PCSK2: variants seen among roughly 807,000 people sequenced by gnomAD.
PCSK2 encodes proprotein convertase subtilisin/kexin type 2, also known as neuroendocrine convertase 2.
In PCSK2, 14 loss-of-function variants were observed where a neutral mutation model predicts 69.7. That is an observed-to-expected ratio of 0.20 (90% CI 0.13 to 0.31). PCSK2 has a LOEUF of 0.31. PCSK2 is among the 10% of genes least tolerant of loss of function. The pLI is 1.00. For synonymous variants in PCSK2, 307 were observed against 320.7 expected (o/e 0.96, Z 0.46); for missense variants, 544 against 842.5 (o/e 0.65, Z 4.39).
chr20:17,296,388 T>G (rs566766690), intron 2 of PCSK2, among the ~76,000 whole-genome samples: 35 of 152,360 alleles, frequency 2.3e-4, no homozygotes, highest in African/African-American at 7.5e-4. Context: ...TTACCAACTT[T>G]TAAAGATAAA....
At chr20:17,409,363 C>CT in intron 6 of PCSK2, 24 bp downstream of exon 6, 1 of 1,540,800 alleles carries the variant, frequency 6.5e-7, no homozygotes, top group Non-Finnish European at 9.0e-7. Flanking sequence ...TGGGAGGTCT[C>CT]TTTGACTTTA....
rs562649213 is a variant in PCSK2, at chr20:17,239,875, G to A, written c.177+12393G>A. The stretch of plus-strand genomic sequence containing the variant: ...TTTTTTTTTTTTTTTTTTTTTGTGA[G>A]ATGAAGTCTCACTCTGTTGCCAGGC... On this transcript the variant is annotated intron_variant, in intron 1 of 11. Transcript: ENST00000262545. Among the ~76,000 whole-genome samples the A allele has an allele frequency of 2.2e-3, 163 of 75,404 alleles. 2 individuals are homozygous for A. Among genetic ancestry groups the A allele is most frequent in the African/African-American group, 8.9e-3 (152 of 17,106 alleles). The allele number at this position is 75,404 out of a possible 152,430, so 49.5% of individuals were successfully genotyped here.
Position 17,456,431 on chromosome 20 carries a change from A to C in PCSK2, c.1185A>C (p.Ala395=). ...CCCCCGAGGCAGCTGGTGTGTTTGC[A>C]CTGGCTCTGGAGGCTAAGTATGTTC... is the stretch of plus-strand genomic sequence containing the variant. The part of the protein sequence containing the change: ...AAAPEAAGVF[A]LALEANLGLT... The change falls in exon 10 of 12, where the codon GCA becomes GCC. Residue 395 remains alanine (A), a synonymous_variant. Transcript: ENST00000262545. 1 of 1,602,570 alleles carries C rather than the reference A, an allele frequency of 6.2e-7. No individual in the cohort carries two copies. Among genetic ancestry groups the C allele is most frequent in the Middle Eastern group, 1.7e-4 (1 of 6,042 alleles).
At chr20:17,321,188 A>G (rs1409478562) in intron 2 of PCSK2, among the ~76,000 whole-genome samples, 1 of 152,196 alleles carries the variant, frequency 6.6e-6, no homozygotes, top group Non-Finnish European at 1.5e-5. Context: ...TATTAGTTAG[A>G]TCTGGATTTC....
At chr20:17,326,292 G>T (rs926737474) in intron 2 of PCSK2, among the ~76,000 whole-genome samples, 1 of 152,184 alleles carries the variant, frequency 6.6e-6, no homozygotes, top group Non-Finnish European at 1.5e-5. Flanking sequence ...CCTTTGAAAA[G>T]CTGTCAGAGA....
chr20:17,233,172 T>C (rs552576212), intron 1 of PCSK2, among the ~76,000 whole-genome samples: 1 of 152,292 alleles, frequency 6.6e-6, no homozygotes, highest in African/African-American at 2.4e-5. Flanking sequence ...ATGACAGGAT[T>C]TGGAATCAGA....
chr20:17,387,470 C>T (rs1454428588), intron 5 of PCSK2, among the ~76,000 whole-genome samples: 1 of 152,188 alleles, frequency 6.6e-6, no homozygotes, highest in Non-Finnish European at 1.5e-5. Flanking sequence ...GGAGGATCGA[C>T]TTCCAAGATG....
At chr20:17,408,978 C>G (rs912607092) in intron 5 of PCSK2, among the ~76,000 whole-genome samples, 6 of 152,202 alleles carry the variant, frequency 3.9e-5, no homozygotes, top group African/African-American at 1.4e-4. Context: ...AGGGCTACAT[C>G]AACTTGAAAG....
chr20:17,270,296 C>G (rs1335901452), intron 2 of PCSK2, among the ~76,000 whole-genome samples: 2 of 152,090 alleles, frequency 1.3e-5, no homozygotes, highest in Non-Finnish European at 2.9e-5. Context: ...GTGATCACAT[C>G]TCTTTCTATA....
At chr20:17,312,937 G>A (rs1486175141) in intron 2 of PCSK2, among the ~76,000 whole-genome samples, 3 of 152,100 alleles carry the variant, frequency 2.0e-5, no homozygotes, top group East Asian at 3.9e-4. Flanking sequence ...CTTCCAAAGA[G>A]GAGAATTTGG....
intron 2 of PCSK2, among the ~76,000 whole-genome samples, chr20:17,314,644 A>G (rs1275136960): frequency 6.6e-6 from 1 of 152,246 alleles, no homozygotes; most frequent in Non-Finnish European, 1.5e-5. Context: ...ACATTAAGCC[A>G]GATGAACACA....
At chr20:17,319,610 A>G (rs749366848) in intron 2 of PCSK2, among the ~76,000 whole-genome samples, 6 of 151,986 alleles carry the variant, frequency 3.9e-5, no homozygotes, top group Non-Finnish European at 8.8e-5. Flanking sequence ...ACTATATTCC[A>G]CTGGCAAAAG....
intron 6 of PCSK2, among the ~76,000 whole-genome samples, chr20:17,420,378 T>C (rs919726421): frequency 6.6e-6 from 1 of 152,238 alleles, no homozygotes; most frequent in African/African-American, 2.4e-5. Flanking sequence ...GTCTTTTTCA[T>C]GTGAGCTTTA....
At chr20:17,240,193 T>A (rs1289237354) in intron 1 of PCSK2, among the ~76,000 whole-genome samples, 1 of 151,966 alleles carries the variant, frequency 6.6e-6, no homozygotes, top group African/African-American at 2.4e-5. Context: ...TTGCATTTAC[T>A]AAGTTTCATT....
chr20:17,258,873 G>A (rs13043551), intron 1 of PCSK2, among the ~76,000 whole-genome samples: 8,594 of 151,096 alleles, frequency 0.057, 294 homozygotes, highest in Middle Eastern at 0.16. Context: ...CAAGTAGGTA[G>A]GCCTAGAGGA....
At chr20:17,301,155 C>A (rs920934638) in intron 2 of PCSK2, among the ~76,000 whole-genome samples, 2 of 152,184 alleles carry the variant, frequency 1.3e-5, no homozygotes, top group African/African-American at 2.4e-5. Flanking sequence ...GCAAAGAGAG[C>A]AAATGTATTT....
At chr20:17,323,763 C>A (rs1346368671) in intron 2 of PCSK2, among the ~76,000 whole-genome samples, 1 of 152,224 alleles carries the variant, frequency 6.6e-6, no homozygotes. Flanking sequence ...CCTAGGACAG[C>A]ATTTTTGTTT....
Position 17,440,041 on chromosome 20 carries a change from C to T in PCSK2, c.885+3158C>T, listed in dbSNP as rs531261314. Among the ~76,000 whole-genome samples the T allele has an allele frequency of 3.3e-5, 5 of 152,346 alleles. No homozygotes were observed. The East Asian group carries it at 7.7e-4, about 24-fold the overall frequency. ...AGCCGACACTGCACAGCAGCAGGTCCGTCCTGTTGCAGGGATATTTCAGCA... is the reference window on the plus strand; with the variant it reads ...AGCCGACACTGCACAGCAGCAGGTCTGTCCTGTTGCAGGGATATTTCAGCA... On this transcript the variant is annotated intron_variant, in intron 8 of 11. Transcript: ENST00000262545.
chr20:17,361,995 A>G (rs542910493), intron 4 of PCSK2, among the ~76,000 whole-genome samples: 1 of 152,366 alleles, frequency 6.6e-6, no homozygotes, highest in African/African-American at 2.4e-5. Context: ...ACCATTTCTA[A>G]CAGCATATCC....
Sources: gnomAD v4.1 joint callset for allele counts (sites outside exome capture counted in the v4.1 genomes callset) on GRCh38, gnomAD v4.1.1 for gene constraint, MANE v1.5 for transcripts, NCBI Gene and HGNC (gene_info 2026-07-23, HGNC 2026-07-21) for gene names.